The following UTS2 variants were observed in gnomAD, a reference collection of about 807,000 sequenced individuals.
UTS2 encodes the protein urotensin-2.
A neutral mutation model predicts 12.6 loss-of-function variants in UTS2; 10 were observed. That is an observed-to-expected ratio of 0.80 (90% CI 0.49 to 1.35). UTS2 has a LOEUF of 1.35. UTS2 is among the 40% of genes most tolerant of loss of function. The probability of loss-of-function intolerance (pLI) is 0.00; values close to 1 mark genes in which losing one functional copy is unlikely to be tolerated. For missense variants in UTS2, 142 were observed against 143.2 expected (o/e 0.99, Z 0.04); for synonymous variants, 52 against 50.0 (o/e 1.04, Z -0.17).
chr1:7,885,176 T>G, the UTS2 span, among the ~76,000 whole-genome samples: 1 of 148,422 alleles, frequency 6.7e-6, no homozygotes, highest in Admixed American at 6.8e-5. Flanking sequence ...AACTTTTATT[T>G]CATTGTATAT....
At chr1:7,865,440 C>T in the UTS2 span, among the ~76,000 whole-genome samples, 3 of 27,808 alleles carry the variant, frequency 1.1e-4, no homozygotes, top group African/African-American at 1.8e-4. Flanking sequence ...TCTGTCTGTC[C>T]GATACCATCT....
At chr1:7,904,562 T>A in the UTS2 span, among the ~76,000 whole-genome samples, 5 of 152,084 alleles carry the variant, frequency 3.3e-5, no homozygotes, top group Admixed American at 1.3e-4. Flanking sequence ...ATTATTGCTG[T>A]TTATTACTTA....
At chr1:7,892,497 A>C in the UTS2 span, among the ~76,000 whole-genome samples, 1 of 97,926 alleles carries the variant, frequency 1.0e-5, no homozygotes, top group Admixed American at 1.3e-4. Context: ...TTTTTTTGAG[A>C]CGGAGTGTCA....
chr1:7,851,828 G>A (rs1281635358), intron 1 of UTS2, among the ~76,000 whole-genome samples: 2 of 152,168 alleles, frequency 1.3e-5, no homozygotes, highest in Non-Finnish European at 2.9e-5. Flanking sequence ...GCTGCCACTT[G>A]TTTCGAATTT....
At chr1:7,887,101 T>G in the UTS2 span, among the ~76,000 whole-genome samples, 5 of 144,722 alleles carry the variant, frequency 3.5e-5, no homozygotes, top group East Asian at 8.4e-4. Context: ...GTGGCCAGGC[T>G]GTTTTTTCTT....
chr1:7,879,028 TAAAGGG>T, the UTS2 span, among the ~76,000 whole-genome samples: 1 of 152,138 alleles, frequency 6.6e-6, no homozygotes. Context: ...ATTATTAGAC[TAAAGGG>T]AGAGATAGAC....
At chr1:7,872,618 C>T in the UTS2 span, among the ~76,000 whole-genome samples, 3 of 152,240 alleles carry the variant, frequency 2.0e-5, no homozygotes, top group South Asian at 2.1e-4. Flanking sequence ...TTCAACTCTG[C>T]GAAGGCTGAG....
the UTS2 span, among the ~76,000 whole-genome samples, chr1:7,897,383 G>T: frequency 6.6e-6 from 1 of 152,008 alleles, no homozygotes; most frequent in Non-Finnish European, 1.5e-5. Context: ...TTCACCCTTT[G>T]CTTGTTTATA....
At chr1:7,850,731 T>TAA in intron 2 of UTS2, 81 bp downstream of exon 2, 1 of 1,391,136 alleles carries the variant, frequency 7.2e-7, no homozygotes, top group Non-Finnish European at 1.0e-6. Flanking sequence ...AAAATAGAGC[T>TAA]TTACCTCTTC....
At chr1:7,879,051 A>C in the UTS2 span, among the ~76,000 whole-genome samples, 1 of 152,234 alleles carries the variant, frequency 6.6e-6, no homozygotes, top group African/African-American at 2.4e-5. Flanking sequence ...AGACTCCAAT[A>C]CAATAACAGT....
At chr1:7,899,849 A>G in the UTS2 span, among the ~76,000 whole-genome samples, 2 of 152,310 alleles carry the variant, frequency 1.3e-5, no homozygotes, top group East Asian at 1.9e-4. Context: ...AGTTGTGGTC[A>G]ATGTGTTGGT....
At chr1:7,878,936 T>C in the UTS2 span, among the ~76,000 whole-genome samples, 1 of 152,116 alleles carries the variant, frequency 6.6e-6, no homozygotes, top group South Asian at 2.1e-4. Flanking sequence ...TATATAATGA[T>C]AAAGGGATCA....
At chr1:7,900,317 C>T in the UTS2 span, among the ~76,000 whole-genome samples, 3 of 150,266 alleles carry the variant, frequency 2.0e-5, no homozygotes, top group African/African-American at 7.4e-5. Context: ...GAGGATCACC[C>T]GAGCCTGGGA....
chr1:7,870,908 T>A, the UTS2 span, among the ~76,000 whole-genome samples: 1 of 152,036 alleles, frequency 6.6e-6, no homozygotes, highest in Non-Finnish European at 1.5e-5. Flanking sequence ...CATGAGGAGG[T>A]CTCAATAATA....
chr1:7,882,025 G>A, the UTS2 span, among the ~76,000 whole-genome samples: 1 of 152,148 alleles, frequency 6.6e-6, no homozygotes, highest in Admixed American at 6.5e-5. Flanking sequence ...CAGACACTGG[G>A]TAAAAGACAT....
the UTS2 span, among the ~76,000 whole-genome samples, chr1:7,876,860 G>T: frequency 2.2e-4 from 34 of 151,980 alleles, no homozygotes; most frequent in Middle Eastern, 3.4e-3. Flanking sequence ...GGCTGGGCAC[G>T]GTGGCTCACA....
rs1389648488 is a variant in UTS2, at chr1:7,850,832, CCT to C, written c.192_193del (p.Asp66TyrfsTer13). On this transcript the variant is annotated frameshift_variant, in exon 2 of 4. Transcript: ENST00000361696. LOFTEE classifies it high-confidence loss of function. ...TTTACCTGCTTTCCTGAGAATATCCCCTCTTTCTGCACCCAGCATCTCTGGCA... is the reference window on the plus strand; with the variant it reads ...TTTACCTGCTTTCCTGAGAATATCCCCTTTCTGCACCCAGCATCTCTGGCA... The C allele has an allele frequency of 1.9e-6, 3 of 1,614,020 alleles. No individual in the cohort carries two copies. The highest frequency in any genetic ancestry group is 2.5e-6 in the Non-Finnish European group (3 of 1,180,036).
the UTS2 span, among the ~76,000 whole-genome samples, chr1:7,910,563 G>C: frequency 6.6e-6 from 1 of 151,998 alleles, no homozygotes; most frequent in Non-Finnish European, 1.5e-5. Context: ...TGTATCTTTG[G>C]GTCTTCATTC....
chr1:7,896,854 C>T, the UTS2 span, among the ~76,000 whole-genome samples: 13 of 152,176 alleles, frequency 8.5e-5, 1 homozygote, highest in South Asian at 1.9e-3. Flanking sequence ...TGCCCCCATG[C>T]CTGGCTAATT....
Sources: gnomAD v4.1 joint callset for allele counts (sites outside exome capture counted in the v4.1 genomes callset) on GRCh38, gnomAD v4.1.1 for gene constraint, MANE v1.5 for transcripts, NCBI Gene and HGNC (gene_info 2026-07-23, HGNC 2026-07-21) for gene names.